The following NKAIN3 variants were observed in gnomAD, a reference collection of about 807,000 sequenced individuals.
NKAIN3 encodes sodium/potassium-transporting ATPase subunit beta-1-interacting protein 3.
In NKAIN3, 25 loss-of-function variants were observed where a neutral mutation model predicts 30.2. The observed-to-expected ratio is 0.83, with a 90% CI of 0.60 to 1.16. NKAIN3 has a LOEUF of 1.16. Among genes scored for constraint, NKAIN3 ranks in the 50% most tolerant of loss-of-function variants. The probability of loss-of-function intolerance (pLI) is 0.00; values close to 1 mark genes in which losing one functional copy is unlikely to be tolerated. For synonymous variants in NKAIN3, 91 were observed against 89.6 expected, an observed-to-expected ratio of 1.02 and a Z score of -0.09; for missense variants, 225 against 254.1, an observed-to-expected ratio of 0.89 and a Z score of 0.78.
At chr8:62,340,833 A>C (rs1815717531) in intron 1 of NKAIN3, among the ~76,000 whole-genome samples, 1 of 151,988 alleles carries the variant, frequency 6.6e-6, no homozygotes, top group South Asian at 2.1e-4. Context: ...GCTCGGAGGC[A>C]AGGTTGAGGC....
chr8:62,899,326 A>C (rs1821530410), intron 4 of NKAIN3, among the ~76,000 whole-genome samples: 1 of 152,222 alleles, frequency 6.6e-6, no homozygotes, highest in Non-Finnish European at 1.5e-5. Context: ...ATTTGGAAGC[A>C]ACATAAATGT....
intron 4 of NKAIN3, among the ~76,000 whole-genome samples, chr8:62,911,078 T>C (rs1821912446): frequency 1.3e-5 from 2 of 152,156 alleles, no homozygotes; most frequent in Non-Finnish European, 2.9e-5. Context: ...CATTCTCATA[T>C]TGAAAAACAT....
At chr8:62,311,369 A>G (rs1359757131) in intron 1 of NKAIN3, among the ~76,000 whole-genome samples, 1 of 150,468 alleles carries the variant, frequency 6.6e-6, no homozygotes, top group East Asian at 1.9e-4. Flanking sequence ...GGCCTCAGTT[A>G]GTCCTCACAA....
At chr8:62,769,459 T>A (rs568987206) in intron 4 of NKAIN3, among the ~76,000 whole-genome samples, 3 of 152,322 alleles carry the variant, frequency 2.0e-5, no homozygotes, top group Admixed American at 6.5e-5. Flanking sequence ...GTCTATATGA[T>A]GCCCCAAACA....
intron 1 of NKAIN3, among the ~76,000 whole-genome samples, chr8:62,570,677 T>G (rs954912407): frequency 3.3e-5 from 5 of 152,150 alleles, no homozygotes; most frequent in Non-Finnish European, 7.3e-5. Context: ...ATGGGAATTA[T>G]GGGAGCTGCA....
At position 62,694,315 on chromosome 8, in the gene NKAIN3, G is replaced by A. The variant is rs565394524; in HGVS notation, c.274-52617G>A. On this transcript the variant is annotated intron_variant, in intron 3 of 6. Coordinates refer to ENST00000623646, the MANE Select transcript of NKAIN3 (RefSeq NM_001304533.3). ...ATGGAATCAACTTCTGTCCATCAAT[G>A]GATGAATAGACTTTTAAAAATATGC... 5.9e-5 allele frequency among the ~76,000 whole-genome samples: 9 copies of A among 152,126 alleles called. No individual in the cohort carries two copies. The South Asian group carries it at 1.9e-3, about 32-fold the overall frequency.
intron 4 of NKAIN3, among the ~76,000 whole-genome samples, chr8:62,901,423 A>G (rs1355148364): frequency 3.9e-5 from 6 of 152,156 alleles, no homozygotes; most frequent in Non-Finnish European, 8.8e-5. Flanking sequence ...TGGAAAACAC[A>G]GCAAAACACT....
chr8:62,821,459 A>C (rs537180200), intron 4 of NKAIN3, among the ~76,000 whole-genome samples: 15 of 152,302 alleles, frequency 9.8e-5, no homozygotes, highest in African/African-American at 3.6e-4. Flanking sequence ...AAGAAGGAGA[A>C]AGAGCAGTTG....
chr8:62,887,683 A>C (rs1324845944), intron 4 of NKAIN3, among the ~76,000 whole-genome samples: 2 of 152,190 alleles, frequency 1.3e-5, no homozygotes, highest in Admixed American at 6.5e-5. Context: ...CAACAAAAGC[A>C]TCCTTTATTT....
chr8:62,897,847 T>A (rs1252324262), intron 4 of NKAIN3, among the ~76,000 whole-genome samples: 1 of 152,192 alleles, frequency 6.6e-6, no homozygotes, highest in East Asian at 1.9e-4. Context: ...GATTTGCACA[T>A]GCCAGCTTCC....
chr8:62,796,732 G>A (rs1244592500), intron 4 of NKAIN3, among the ~76,000 whole-genome samples: 2 of 150,478 alleles, frequency 1.3e-5, no homozygotes, highest in Admixed American at 1.3e-4. Context: ...ATTTAATTTG[G>A]TAGAAAGGGG....
At chr8:62,995,765 T>C (rs1230654446) in intron 5 of NKAIN3, among the ~76,000 whole-genome samples, 1 of 152,222 alleles carries the variant, frequency 6.6e-6, no homozygotes, top group Non-Finnish European at 1.5e-5. Flanking sequence ...ACCATAGATA[T>C]ATAAAATTTG....
intron 1 of NKAIN3, 129 bp downstream of exon 1, chr8:62,249,256 C>A: frequency 1.3e-6 from 1 of 747,726 alleles, no homozygotes; most frequent in Non-Finnish European, 2.1e-6. Flanking sequence ...GCCCGCCTCC[C>A]ACCCTCCCCA....
chr8:62,844,655 T>A (rs1239172605), intron 4 of NKAIN3, among the ~76,000 whole-genome samples: 2 of 152,204 alleles, frequency 1.3e-5, no homozygotes, highest in Non-Finnish European at 2.9e-5. Flanking sequence ...TTTGTTGTTC[T>A]ATATTAGTTG....
At chr8:62,618,813 G>A (rs1811538619) in intron 3 of NKAIN3, among the ~76,000 whole-genome samples, 2 of 152,084 alleles carry the variant, frequency 1.3e-5, no homozygotes, top group Non-Finnish European at 2.9e-5. Flanking sequence ...AGCTGAGGCA[G>A]GAGGATTGCT....
intron 1 of NKAIN3, among the ~76,000 whole-genome samples, chr8:62,477,838 C>T (rs2129600524): frequency 6.6e-6 from 1 of 152,124 alleles, no homozygotes; most frequent in South Asian, 2.1e-4. Flanking sequence ...GCAGGACTGC[C>T]TAAAACAGTG....
chr8:62,546,101 T>G (rs1809002537), intron 1 of NKAIN3, among the ~76,000 whole-genome samples: 1 of 152,200 alleles, frequency 6.6e-6, no homozygotes, highest in Non-Finnish European at 1.5e-5. Flanking sequence ...TTGTCTGACA[T>G]TCTGGATAGC....
rs1415393163 is a variant in NKAIN3 at position 62,781,878 on chromosome 8, C to T, written c.471+34749C>T. ...ATAGAAAAAACTCTTTGAAACATTG[C>T]TCTAGGCAAAAATTTTATGGCTATG... is the stretch of plus-strand genomic sequence containing the variant. On this transcript the variant is annotated intron_variant, in intron 4 of 6. Coordinates refer to ENST00000623646, the MANE Select transcript of NKAIN3 (RefSeq NM_001304533.3). Among the ~76,000 whole-genome samples, 4 of 151,818 alleles carry T rather than the reference C, an allele frequency of 2.6e-5. No individual in the cohort carries two copies. In the East Asian group the frequency reaches 7.7e-4, roughly 29 times the overall value.
At chr8:62,275,552 T>G (rs1304545642) in intron 1 of NKAIN3, among the ~76,000 whole-genome samples, 1 of 152,224 alleles carries the variant, frequency 6.6e-6, no homozygotes, top group African/African-American at 2.4e-5. Context: ...ATCATAAAAA[T>G]TCTTCCTTTT....
Sources: allele counts gnomAD v4.1 joint callset (sites outside exome capture counted in the v4.1 genomes callset), GRCh38; gene constraint gnomAD v4.1.1; transcripts MANE v1.5; gene names NCBI Gene and HGNC (gene_info 2026-07-23, HGNC 2026-07-21).